Variants in FXYD1 observed in about 807,000 individuals in gnomAD.
FXYD1 encodes the protein phospholemman.
FXYD1 carries 9 observed loss-of-function variants against 17.2 expected under a neutral mutation model. That is an observed-to-expected ratio of 0.52 (90% CI 0.32 to 0.91). The LOEUF is 0.91. Ranked by LOEUF, FXYD1 falls within the 40% of genes least tolerant of loss-of-function variation. FXYD1 has a pLI of 0.04. For synonymous variants in FXYD1, 55 were observed against 45.8 expected (o/e 1.20, Z -0.81); for missense variants, 113 against 120.6 (o/e 0.94, Z 0.29).
chr19:35,141,633 G>A (rs1195510363), intron 5 of FXYD1, 61 bp downstream of exon 5: 5 of 1,384,430 alleles, frequency 3.6e-6, no homozygotes, highest in Non-Finnish European at 5.1e-6. Flanking sequence ...CCGCGGGTGA[G>A]GCGGGGAGTA....
upstream of FXYD1, chr19:35,138,780 G>A (rs1326714735): frequency 6.6e-6 from 1 of 152,222 alleles, no homozygotes; most frequent in Non-Finnish European, 1.5e-5. Flanking sequence ...GCTGGGAGGG[G>A]AGGCTGCTGG....
intron 6 of FXYD1, 79 bp downstream of exon 6, chr19:35,142,600 G>T: frequency 6.5e-7 from 1 of 1,533,126 alleles, no homozygotes; most frequent in Non-Finnish European, 9.0e-7. Context: ...CCCTGGCTGC[G>T]TAGAGGGAAG....
chr19:35,142,806 G>A (rs540738270), intron 7 of FXYD1, 35 bp downstream of exon 7: 2 of 1,540,182 alleles, frequency 1.3e-6, no homozygotes, highest in Admixed American at 3.4e-5. Context: ...GGGAGGGAAG[G>A]AGGGAGGAAG....
chr19:35,140,179 C>A, intron 2 of FXYD1, 39 bp downstream of exon 2: 1 of 1,184,598 alleles, frequency 8.4e-7, no homozygotes, highest in Non-Finnish European at 1.3e-6. Flanking sequence ...CACCTCAGCC[C>A]CAGGGGTGGC....
At chr19:35,141,603 C>G (rs2065256904) in intron 5 of FXYD1, 31 bp downstream of exon 5, 1 of 1,590,564 alleles carries the variant, frequency 6.3e-7, no homozygotes, top group South Asian at 1.1e-5. Context: ...CTCCTTCGCC[C>G]GCTCCTGCTC....
chr19:35,141,049 T>A, intron 3 of FXYD1, 83 bp from the exon 4 acceptor site: 1 of 834,702 alleles, frequency 1.2e-6, no homozygotes, highest in South Asian at 1.4e-5. Flanking sequence ...CCTTTCTCCC[T>A]GTTCCCTCCT....
chr19:35,142,021 G>C (rs2065261254), intron 5 of FXYD1, among the ~76,000 whole-genome samples: 1 of 152,206 alleles, frequency 6.6e-6, no homozygotes, highest in Non-Finnish European at 1.5e-5. Flanking sequence ...ATATTTACTG[G>C]GTGTGTACCA....
At chr19:35,138,531 C>G (rs2065222515), upstream of FXYD1, 1 of 152,246 alleles carries the variant, frequency 6.6e-6, no homozygotes, top group South Asian at 2.1e-4. Context: ...GGGCAGCCGC[C>G]TCAGCCCAAA....
rs1395224241 is a variant in FXYD1, at chr19:35,142,999, C to G, written c.*112C>G. 4 of 578,622 alleles carry G rather than the reference C, an allele frequency of 6.9e-6. No homozygotes were observed. Among genetic ancestry groups the G allele is most frequent in the Admixed American group, 3.2e-5 (1 of 31,592 alleles). 35.8% of individuals were successfully genotyped at this position (578,622 alleles called of 1,614,324 possible). ...GCCGCCCCTTCCCCAGCCCTGCCCC[C>G]GCAGACTCCCCCTGCCGCCAAGACT... On this transcript the variant is annotated 3_prime_UTR_variant, in exon 8 of 8. Transcript: ENST00000351325.
At chr19:35,141,310 TG>T in intron 4 of FXYD1, 104 bp downstream of exon 4, 2 of 217,210 alleles carry the variant, frequency 9.2e-6, no homozygotes, top group South Asian at 4.0e-5. Flanking sequence ...CCCCTCTCCC[TG>T]GCCCCGCTTC....
intron 6 of FXYD1, 57 bp downstream of exon 6, chr19:35,142,578 T>G (rs907004298): frequency 6.4e-7 from 1 of 1,571,232 alleles, no homozygotes; most frequent in Non-Finnish European, 8.8e-7. Context: ...AAGGACCGCT[T>G]TTCCCGGCCC....
At position 35,142,532 on chromosome 19, in the gene FXYD1, G is replaced by A. The variant is rs1176119681; in HGVS notation, c.256+11G>A. On this transcript the variant is annotated intron_variant, in intron 6 of 7. Coordinates refer to ENST00000351325, the MANE Select transcript of FXYD1 (RefSeq NM_021902.4). ...GCAGCTCCATCCGCCGTGAGTCTGG[G>A]GAGACTGCGGGTATTCTGGGGAGAG... is the stretch of plus-strand genomic sequence containing the variant. The A allele has an allele frequency of 6.2e-7, 1 of 1,611,832 alleles. No individual in the cohort carries two copies. Among genetic ancestry groups the A allele is most frequent in the African/African-American group, 1.3e-5 (1 of 74,854 alleles).
intron 5 of FXYD1, 141 bp downstream of exon 5, chr19:35,141,713 C>G: frequency 1.5e-6 from 1 of 674,312 alleles, no homozygotes; most frequent in East Asian, 3.1e-5. Flanking sequence ...ATGGCCCAAG[C>G]CTGGCCCTGG....
intron 1 of FXYD1, chr19:35,139,102 A>G (rs1349967495): frequency 6.6e-6 from 1 of 152,120 alleles, no homozygotes. Flanking sequence ...CAGGGTGTGG[A>G]GTTGGGACAC....
At chr19:35,139,261 C>CTGTGTGTGTGTGTGTG (rs56256016) in intron 1 of FXYD1, 1 of 146,328 alleles carries the variant, frequency 6.8e-6, no homozygotes, top group African/African-American at 2.5e-5. Flanking sequence ...TCCGGCCCCA[C>CTGTGTGTGTGTGTGTG]TGTGTGTGTG....
Position 35,142,973 on chromosome 19 carries a change from C to T in FXYD1, c.*86C>T. On this transcript the variant is annotated 3_prime_UTR_variant, in exon 8 of 8. Transcript: ENST00000351325. ...CCACCTGCGCGCCCACCGCCCCCTC[C>T]GCCGCCCCTTCCCCAGCCCTGCCCC... 1 of 586,344 alleles carries T rather than the reference C, an allele frequency of 1.7e-6. No individual in the cohort carries two copies. Among genetic ancestry groups the T allele is most frequent in the Non-Finnish European group, 3.0e-6 (1 of 330,206 alleles). The allele number at this position is 586,344 out of a possible 1,614,324, so 36.3% of individuals were successfully genotyped here. A position where few individuals can be genotyped will look rare whatever the true frequency, so the allele number is the denominator to read the frequency against.
intron 4 of FXYD1, 99 bp from the exon 5 acceptor site, chr19:35,141,437 C>A: frequency 9.6e-7 from 1 of 1,044,464 alleles, no homozygotes; most frequent in Non-Finnish European, 1.5e-6. Context: ...CGCCCCGTCC[C>A]CCAAGCCCCG....
intron 7 of FXYD1, 71 bp from the exon 8 acceptor site, chr19:35,142,845 GC>G: frequency 1.7e-6 from 2 of 1,187,194 alleles, no homozygotes; most frequent in Non-Finnish European, 2.5e-6. Context: ...GGGGCCAAGT[GC>G]CAGAGTTGAA....
chr19:35,142,501 C>G lies in FXYD1; in HGVS notation c.236C>G (p.Thr79Ser), dbSNP rs1423449093. ...GGGGAACCCGATGAAGAGGAGGGAA[C>G]TTTCCGCAGCTCCATCCGCCGTGAG... is the stretch of plus-strand genomic sequence containing the variant. ...RTGEPDEEEG[T>S]FRSSIRRLST... Residue 79 changes from threonine to serine, a missense_variant, in exon 6 of 8, where the codon ACT (threonine) becomes AGT (serine). Transcript: ENST00000351325. 8.1e-6 allele frequency: 13 copies of G among 1,613,314 alleles called. No homozygotes were observed. Among genetic ancestry groups the G allele is most frequent in the Non-Finnish European group, 1.1e-5 (13 of 1,179,464 alleles).
Sources: allele counts gnomAD v4.1 joint callset (sites outside exome capture counted in the v4.1 genomes callset), GRCh38; gene constraint gnomAD v4.1.1; transcripts MANE v1.5; gene names NCBI Gene and HGNC (gene_info 2026-07-23, HGNC 2026-07-21).